SGCD: variants seen among roughly 807,000 people sequenced by gnomAD.
The protein encoded by SGCD is delta-sarcoglycan.
A neutral mutation model predicts 36.6 loss-of-function variants in SGCD; 18 were observed. That is an observed-to-expected ratio of 0.49 (90% CI 0.34 to 0.73). The LOEUF (loss-of-function observed/expected upper bound fraction) is 0.73. SGCD is among the 30% of genes least tolerant of loss of function. SGCD has a pLI of 0.01. For synonymous variants in SGCD, 133 were observed against 130.6 expected (o/e 1.02, Z -0.12); for missense variants, 387 against 346.7 (o/e 1.12, Z -0.92).
intron 6 of SGCD, among the ~76,000 whole-genome samples, chr5:156,635,107 C>G (rs6887652): frequency 0.012 from 1,832 of 152,158 alleles, 36 homozygotes; most frequent in East Asian, 0.049. Flanking sequence ...TCCCGGTAGT[C>G]AAGCTACTCA....
intron 3 of SGCD, among the ~76,000 whole-genome samples, chr5:156,263,431 A>G (rs561390299): frequency 1.3e-5 from 2 of 151,436 alleles, no homozygotes; most frequent in African/African-American, 2.4e-5. Flanking sequence ...TCCTTAGCCC[A>G]TTTTTTTTAT....
chr5:156,411,501 T>C (rs915470522), intron 3 of SGCD, among the ~76,000 whole-genome samples: 2 of 152,204 alleles, frequency 1.3e-5, no homozygotes, highest in Non-Finnish European at 2.9e-5. Context: ...AGAAAGTGCT[T>C]TGGAGCCAGA....
chr5:155,898,607 T>G (rs73810344), intron 1 of SGCD, among the ~76,000 whole-genome samples: 7,266 of 152,214 alleles, frequency 0.048, 511 homozygotes, highest in African/African-American at 0.15. Context: ...AAACAATTTT[T>G]AAGTTACAGT....
intron 7 of SGCD, among the ~76,000 whole-genome samples, chr5:156,748,811 G>T (rs1379159867): frequency 6.6e-6 from 1 of 151,294 alleles, no homozygotes; most frequent in African/African-American, 2.4e-5. Context: ...TCTTTTTTTT[G>T]AGATGGAGTC....
chr5:156,613,488 A>G (rs1761906851), intron 6 of SGCD, among the ~76,000 whole-genome samples: 1 of 152,214 alleles, frequency 6.6e-6, no homozygotes, highest in African/African-American at 2.4e-5. Context: ...TGTCATATGT[A>G]TTCTCCAGTT....
At chr5:155,969,735 C>T (rs927577634) in intron 1 of SGCD, among the ~76,000 whole-genome samples, 4 of 152,044 alleles carry the variant, frequency 2.6e-5, no homozygotes, top group Admixed American at 6.6e-5. Context: ...CTGAGCATGA[C>T]GTGGGCTAGT....
chr5:156,013,116 C>T (rs531808720), intron 1 of SGCD, among the ~76,000 whole-genome samples: 1 of 151,266 alleles, frequency 6.6e-6, no homozygotes, highest in South Asian at 2.1e-4. Flanking sequence ...ACCTCTGTCT[C>T]CCGAGTTCAG....
chr5:156,382,051 G>A (rs922433850), intron 3 of SGCD, among the ~76,000 whole-genome samples: 4 of 151,842 alleles, frequency 2.6e-5, no homozygotes, highest in Non-Finnish European at 4.4e-5. Context: ...AGTATGTATG[G>A]TTTTATCCTT....
intron 7 of SGCD, among the ~76,000 whole-genome samples, chr5:156,736,579 A>G (rs576044672): frequency 2.0e-5 from 3 of 152,180 alleles, no homozygotes; most frequent in South Asian, 4.1e-4. Flanking sequence ...TGGCAATTCA[A>G]TGGAAAGTTT....
chr5:156,334,430 C>T (rs1768222754), intron 2 of SGCD, among the ~76,000 whole-genome samples: 1 of 152,148 alleles, frequency 6.6e-6, no homozygotes, highest in Non-Finnish European at 1.5e-5. Context: ...CTTTTCTGGT[C>T]CTCACCTTGC....
At chr5:155,879,336 G>A (rs1755831962) in intron 1 of SGCD, among the ~76,000 whole-genome samples, 1 of 152,022 alleles carries the variant, frequency 6.6e-6, no homozygotes, top group Non-Finnish European at 1.5e-5. Context: ...TTCACTTTTC[G>A]TGCAGCCAGA....
At position 156,368,145 on chromosome 5, in the gene SGCD, G is replaced by A. The variant is rs992837794; in HGVS notation, c.192+23468G>A. On this transcript the variant is annotated intron_variant, in intron 3 of 8. Transcript: ENST00000337851. ...TCACTCTTGTCACCCAGGCTGTAGC[G>A]CAGTGGCACGATCTCGGCTCACTGC... is the stretch of plus-strand genomic sequence containing the variant. 5.3e-5 allele frequency among the ~76,000 whole-genome samples: 8 copies of A among 151,106 alleles called. No individual in the cohort carries two copies. In the South Asian group the frequency reaches 6.3e-4, roughly 12 times the overall value.
chr5:156,491,926 T>TG (rs1755962049), intron 3 of SGCD, among the ~76,000 whole-genome samples: 1 of 152,116 alleles, frequency 6.6e-6, no homozygotes, highest in East Asian at 1.9e-4. Context: ...TCCTAAAAAA[T>TG]TTTTTAACTT....
At chr5:156,292,659 G>C (rs1274330080) in intron 3 of SGCD, among the ~76,000 whole-genome samples, 1 of 152,016 alleles carries the variant, frequency 6.6e-6, no homozygotes, top group Non-Finnish European at 1.5e-5. Flanking sequence ...CAATTTTTAA[G>C]TTTCTGATAA....
intron 1 of SGCD, among the ~76,000 whole-genome samples, chr5:156,085,841 CT>C (rs1761077788): frequency 6.6e-6 from 1 of 152,092 alleles, no homozygotes; most frequent in South Asian, 2.1e-4. Context: ...TTTAAAATTG[CT>C]TGTGGTGTTG....
At chr5:156,468,423 A>G (rs1754809053) in intron 3 of SGCD, among the ~76,000 whole-genome samples, 1 of 151,942 alleles carries the variant, frequency 6.6e-6, no homozygotes, top group Non-Finnish European at 1.5e-5. Flanking sequence ...TAAAGTCCTT[A>G]TATCATTGAT....
At chr5:155,944,009 G>A in intron 1 of SGCD, among the ~76,000 whole-genome samples, 1 of 152,166 alleles carries the variant, frequency 6.6e-6, no homozygotes, top group East Asian at 1.9e-4. Flanking sequence ...GTCCTGCAGA[G>A]GGCAGCCTGC....
intron 1 of SGCD, among the ~76,000 whole-genome samples, chr5:155,948,658 G>T (rs1405869134): frequency 6.6e-6 from 1 of 152,276 alleles, no homozygotes; most frequent in South Asian, 2.1e-4. Context: ...CCTGGGATTT[G>T]CTAATGATCT....
At chr5:155,841,422 T>G in the SGCD span, among the ~76,000 whole-genome samples, 56 of 152,346 alleles carry the variant, frequency 3.7e-4, no homozygotes, top group Non-Finnish European at 7.1e-4. Flanking sequence ...TTTTCCCAAT[T>G]TGGTAGGTGA....
Sources: allele counts gnomAD v4.1 joint callset (sites outside exome capture counted in the v4.1 genomes callset), GRCh38; gene constraint gnomAD v4.1.1; transcripts MANE v1.5; gene names NCBI Gene and HGNC (gene_info 2026-07-23, HGNC 2026-07-21).